Variants in UPP2 observed in about 807,000 individuals in gnomAD.
UPP2 encodes UPase 2.
A neutral mutation model predicts 26.7 loss-of-function variants in UPP2; 23 were observed. The observed-to-expected ratio is 0.86, with a 90% CI of 0.62 to 1.22. UPP2 has a LOEUF of 1.22. Among genes scored for constraint, UPP2 ranks in the 50% most tolerant of loss-of-function variants. The pLI is 0.00. For synonymous variants in UPP2, 127 were observed against 141.3 expected (o/e 0.90, Z 0.72); for missense variants, 387 against 396.7 (o/e 0.98, Z 0.21).
intron 3 of UPP2, among the ~76,000 whole-genome samples, chr2:158,115,544 G>A (rs185161057): frequency 3.9e-5 from 6 of 152,046 alleles, no homozygotes; most frequent in East Asian, 1.9e-4. Flanking sequence ...CCTCACCCCC[G>A]CCACGGCAAT....
chr2:158,111,943 A>C (rs1216527541), intron 2 of UPP2, among the ~76,000 whole-genome samples: 4 of 152,196 alleles, frequency 2.6e-5, no homozygotes, highest in Non-Finnish European at 5.9e-5. Flanking sequence ...AGCATTATTG[A>C]AAGAAATTTT....
intron 3 of UPP2, among the ~76,000 whole-genome samples, chr2:158,090,899 T>C (rs1023778889): frequency 4.6e-5 from 7 of 152,184 alleles, no homozygotes; most frequent in Admixed American, 2.0e-4. Flanking sequence ...GGTCCTGGTT[T>C]GTAGGTGACC....
At chr2:158,053,940 C>T (rs1682202014) in intron 3 of UPP2, among the ~76,000 whole-genome samples, 1 of 152,118 alleles carries the variant, frequency 6.6e-6, no homozygotes, top group Non-Finnish European at 1.5e-5. Flanking sequence ...AACTATCTGT[C>T]ACAAGCATTT....
At chr2:158,110,842 G>A (rs973594793) in intron 2 of UPP2, among the ~76,000 whole-genome samples, 4 of 152,072 alleles carry the variant, frequency 2.6e-5, no homozygotes, top group African/African-American at 7.2e-5. Flanking sequence ...CATATCCTTC[G>A]CCCACTTGAT....
chr2:158,005,423 A>T (rs1353090899), intron 2 of UPP2, among the ~76,000 whole-genome samples: 1 of 152,214 alleles, frequency 6.6e-6, no homozygotes, highest in East Asian at 1.9e-4. Context: ...GGTTGCTGGT[A>T]AAGAATGGGA....
intron 6 of UPP2, among the ~76,000 whole-genome samples, chr2:158,128,362 A>G (rs1354187049): frequency 6.6e-6 from 1 of 152,228 alleles, no homozygotes; most frequent in Non-Finnish European, 1.5e-5. Flanking sequence ...TTGGACTCTG[A>G]GAACTGCATG....
chr2:158,041,189 T>A (rs1179715955), intron 3 of UPP2, among the ~76,000 whole-genome samples: 1 of 152,228 alleles, frequency 6.6e-6, no homozygotes, highest in Non-Finnish European at 1.5e-5. Context: ...AAGAAGCATT[T>A]TTTTTACAAT....
chr2:158,012,263 C>CTTTT (rs34807293), intron 2 of UPP2, among the ~76,000 whole-genome samples: 231 of 81,576 alleles, frequency 2.8e-3, no homozygotes, highest in Non-Finnish European at 4.2e-3. Flanking sequence ...TTGTTTCTAC[C>CTTTT]TTTTTTTTTT....
At chr2:158,097,926 T>C (rs903583656), upstream of UPP2, among the ~76,000 whole-genome samples, 12 of 152,154 alleles carry the variant, frequency 7.9e-5, no homozygotes, top group Non-Finnish European at 1.6e-4. Flanking sequence ...TTTTTCATAG[T>C]GCACACTCCC....
At chr2:158,035,624 A>T (rs1683989510) in intron 3 of UPP2, among the ~76,000 whole-genome samples, 1 of 152,174 alleles carries the variant, frequency 6.6e-6, no homozygotes, top group African/African-American at 2.4e-5. Context: ...TTGTAACCTG[A>T]GCTGGCCAAT....
At chr2:158,094,971 A>C (rs1478449156) in intron 3 of UPP2, among the ~76,000 whole-genome samples, 1 of 152,148 alleles carries the variant, frequency 6.6e-6, no homozygotes, top group Non-Finnish European at 1.5e-5. Flanking sequence ...TTTAATCTCC[A>C]AGGCTTGAAG....
intron 3 of UPP2, among the ~76,000 whole-genome samples, chr2:158,037,307 G>A (rs1026229886): frequency 7.2e-5 from 11 of 152,082 alleles, no homozygotes; most frequent in East Asian, 1.9e-4. Flanking sequence ...CCTGGGAGGC[G>A]GAGGTTGCAG....
In UPP2 at chr2:158,095,950, G is replaced by A. The variant is rs182628701; in HGVS notation, c.148-6090G>A. ...CTTTTCTTGAATTTTTGTTAGACAC[G>A]CGGTGCCTCATATTTTCTCAAACAT... On this transcript the variant is annotated intron_variant, in intron 3 of 9. Coordinates refer to the UPP2 transcript ENST00000605860. Among the ~76,000 whole-genome samples, 643 of 152,032 alleles carry A rather than the reference G, an allele frequency of 4.2e-3. 9 individuals are homozygous for A. The highest frequency in any genetic ancestry group is 0.015 in the African/African-American group (612 of 41,464).
chr2:158,030,460 T>A (rs1683906200), intron 3 of UPP2, among the ~76,000 whole-genome samples: 1 of 152,352 alleles, frequency 6.6e-6, no homozygotes, highest in East Asian at 1.9e-4. Context: ...TGAGCATATG[T>A]TATAATCACC....
intron 3 of UPP2, among the ~76,000 whole-genome samples, chr2:158,083,865 T>TATATATATATATATATA (rs1553467788): frequency 1.5e-3 from 183 of 118,706 alleles, no homozygotes; most frequent in African/African-American, 5.4e-3. Flanking sequence ...TATATATGTT[T>TATATATATATATATATA]TTTATATATA....
intron 3 of UPP2, among the ~76,000 whole-genome samples, chr2:158,022,756 T>C (rs1683772373): frequency 1.3e-5 from 2 of 152,194 alleles, no homozygotes; most frequent in African/African-American, 4.8e-5. Context: ...ATAGAGGTTC[T>C]GTACGATAGT....
intron 3 of UPP2, among the ~76,000 whole-genome samples, chr2:158,071,672 G>C (rs1228428000): frequency 6.6e-6 from 1 of 151,646 alleles, no homozygotes; most frequent in East Asian, 1.9e-4. Context: ...AATAAGATAG[G>C]ACACTGGGCA....
intron 2 of UPP2, among the ~76,000 whole-genome samples, chr2:158,112,336 G>A (rs763137886): frequency 2.6e-5 from 4 of 152,028 alleles, no homozygotes; most frequent in Non-Finnish European, 4.4e-5. Flanking sequence ...CAACAAGCAT[G>A]CTAAGACAAT....
At chr2:158,129,761 T>G (rs1443826372) in intron 6 of UPP2, among the ~76,000 whole-genome samples, 1 of 148,782 alleles carries the variant, frequency 6.7e-6, no homozygotes, top group Non-Finnish European at 1.5e-5. Flanking sequence ...ATAGGAAGGT[T>G]TTTTTTTGTT....
Sources: gnomAD v4.1 joint callset for allele counts (sites outside exome capture counted in the v4.1 genomes callset) on GRCh38, gnomAD v4.1.1 for gene constraint, MANE v1.5 for transcripts, NCBI Gene and HGNC (gene_info 2026-07-23, HGNC 2026-07-21) for gene names.